FAM168A: variants seen among roughly 807,000 people sequenced by gnomAD.
FAM168A encodes protein FAM168A.
In FAM168A, 3 loss-of-function variants were observed where a neutral mutation model predicts 28.5. The ratio of observed to expected loss-of-function variants is 0.11; its 90% confidence interval spans 0.05 to 0.27. The LOEUF (loss-of-function observed/expected upper bound fraction) is 0.27. FAM168A is among the 10% of genes least tolerant of loss of function. FAM168A has a pLI of 1.00. For synonymous variants in FAM168A, 122 were observed against 124.2 expected (o/e 0.98, Z 0.12); for missense variants, 222 against 311.5 (o/e 0.71, Z 2.16).
chr11:73,564,765 A>C (rs1417941912), intron 1 of FAM168A, among the ~76,000 whole-genome samples: 1 of 151,050 alleles, frequency 6.6e-6, no homozygotes, highest in Non-Finnish European at 1.5e-5. Context: ...AAAAAAAAGA[A>C]GGCTAGAGGT....
At position 73,476,192 on chromosome 11, in the gene FAM168A, C is replaced by T. The variant is rs138359948; in HGVS notation, c.-18-7700G>A. ...CTGAATTTTGAATGCATTCCCCAAA[C>T]CACATACAGATCCACTGGTAAAGGG... On this transcript the variant is annotated intron_variant, in intron 1 of 7. Transcript: ENST00000356467. Among the ~76,000 whole-genome samples, 1,385 of 152,244 alleles carry T rather than the reference C, an allele frequency of 9.1e-3. 12 individuals are homozygous for T. The highest frequency in any genetic ancestry group is 0.014 in the Non-Finnish European group (919 of 68,008).
At chr11:73,492,752 T>C (rs1299642734) in intron 1 of FAM168A, among the ~76,000 whole-genome samples, 1 of 152,202 alleles carries the variant, frequency 6.6e-6, no homozygotes, top group East Asian at 1.9e-4. Flanking sequence ...GGTTTGCCCT[T>C]AGAAGCAGAT....
intron 1 of FAM168A, among the ~76,000 whole-genome samples, chr11:73,538,252 C>T (rs192831545): frequency 6.7e-6 from 1 of 149,070 alleles, no homozygotes; most frequent in African/African-American, 2.5e-5. Context: ...ACTCACTGAA[C>T]AAATTAGCAA....
At chr11:73,562,481 T>G (rs1031707845) in intron 1 of FAM168A, among the ~76,000 whole-genome samples, 15 of 152,200 alleles carry the variant, frequency 9.9e-5, no homozygotes, top group Non-Finnish European at 1.9e-4. Context: ...TAGTTAGACT[T>G]TTTCATTTGA....
chr11:73,514,828 GCCATCCATCCATCCATCCATCCAT>G (rs140788338), intron 1 of FAM168A, among the ~76,000 whole-genome samples: 9 of 146,546 alleles, frequency 6.1e-5, no homozygotes, highest in East Asian at 2.0e-4. Flanking sequence ...GTGAGACTCT[GCCATCCATCCATCCATCCATCCAT>G]CCATCCATCC....
intron 1 of FAM168A, among the ~76,000 whole-genome samples, chr11:73,562,319 G>A (rs369977112): frequency 1.3e-5 from 2 of 152,272 alleles, no homozygotes; most frequent in East Asian, 3.9e-4. Flanking sequence ...TAACACTTAC[G>A]CTGAAAGGTT....
rs1866387516 is a variant in FAM168A at position 73,400,589 on chromosome 11, G to A, written c.*6174C>T. Reference sequence around the variant, plus strand: ...TCACACACTTAGGGTGGGTGCTGAAGTTGCCACTTAAAGCTCCCCAGCAGC... The same window carrying A: ...TCACACACTTAGGGTGGGTGCTGAAATTGCCACTTAAAGCTCCCCAGCAGC... On this transcript the variant is annotated 3_prime_UTR_variant, in exon 8 of 8. Coordinates refer to ENST00000356467, the MANE Select transcript of FAM168A (RefSeq NM_015159.3). The A allele has an allele frequency of 6.6e-6, 1 of 152,244 alleles. No individual in the cohort carries two copies. Among genetic ancestry groups the A allele is most frequent in the Non-Finnish European group, 1.5e-5 (1 of 68,056 alleles). The allele number at this position is 152,244 out of a possible 1,614,324, so 9.4% of individuals were successfully genotyped here. A position where few individuals can be genotyped will look rare whatever the true frequency, so the allele number is the denominator to read the frequency against.
At chr11:73,593,458 T>G (rs1313667417) in intron 1 of FAM168A, among the ~76,000 whole-genome samples, 1 of 152,214 alleles carries the variant, frequency 6.6e-6, no homozygotes, top group Non-Finnish European at 1.5e-5. Flanking sequence ...ATTTAACCTC[T>G]CAGAGCATAA....
intron 1 of FAM168A, among the ~76,000 whole-genome samples, chr11:73,531,113 G>A (rs1943509387): frequency 6.6e-6 from 1 of 152,116 alleles, no homozygotes; most frequent in East Asian, 1.9e-4. Flanking sequence ...AACAGAATAG[G>A]AATTACTAAC....
chr11:73,425,525 T>G (rs1377752408), intron 3 of FAM168A, among the ~76,000 whole-genome samples: 2 of 152,254 alleles, frequency 1.3e-5, no homozygotes, highest in Non-Finnish European at 2.9e-5. Context: ...TGGGTCACTG[T>G]GGTGCTATAG....
At chr11:73,591,416 A>G (rs1317741344) in intron 1 of FAM168A, among the ~76,000 whole-genome samples, 1 of 152,232 alleles carries the variant, frequency 6.6e-6, no homozygotes, top group Non-Finnish European at 1.5e-5. Flanking sequence ...AGCACCCAGC[A>G]TACTGCCTGC....
chr11:73,534,414 T>A (rs1401654697), intron 1 of FAM168A, among the ~76,000 whole-genome samples: 2 of 151,540 alleles, frequency 1.3e-5, no homozygotes, highest in Admixed American at 6.6e-5. Flanking sequence ...TTTATTTTTT[T>A]TTTTTTGAGA....
intron 1 of FAM168A, among the ~76,000 whole-genome samples, chr11:73,557,547 T>C (rs1021171963): frequency 3.3e-5 from 5 of 152,130 alleles, no homozygotes; most frequent in South Asian, 2.1e-4. Flanking sequence ...AGTTATTAAT[T>C]TAAAAATCCT....
At chr11:73,484,276 C>G (rs756221725) in intron 1 of FAM168A, among the ~76,000 whole-genome samples, 3 of 151,996 alleles carry the variant, frequency 2.0e-5, no homozygotes, top group Non-Finnish European at 4.4e-5. Context: ...GATGTATAAG[C>G]TGAATAGCCC....
chr11:73,492,764 G>A (rs1327359690), intron 1 of FAM168A, among the ~76,000 whole-genome samples: 1 of 152,208 alleles, frequency 6.6e-6, no homozygotes, highest in Non-Finnish European at 1.5e-5. Flanking sequence ...GAAGCAGATA[G>A]TCTAATAGCA....
At chr11:73,484,695 GATATAGATATATATAGATATAT>G (rs1868027938) in intron 1 of FAM168A, among the ~76,000 whole-genome samples, 2 of 80,178 alleles carry the variant, frequency 2.5e-5, no homozygotes, top group Non-Finnish European at 6.1e-5. Flanking sequence ...TAGATATATA[GATATAGATATATATAGATATAT>G]ATATAGATAT....
chr11:73,430,540 T>C, intron 3 of FAM168A, 150 bp downstream of exon 3: 1 of 698,846 alleles, frequency 1.4e-6, no homozygotes, highest in Non-Finnish European at 2.6e-6. Context: ...TTGTCCCAGT[T>C]CCCAGAAGGG....
At chr11:73,558,921 T>C (rs1943921308) in intron 1 of FAM168A, among the ~76,000 whole-genome samples, 1 of 152,164 alleles carries the variant, frequency 6.6e-6, no homozygotes, top group African/African-American at 2.4e-5. Flanking sequence ...AGAATTACCA[T>C]ATGACCCAGC....
chr11:73,437,430 G>C (rs1867110044), intron 2 of FAM168A, among the ~76,000 whole-genome samples: 1 of 128,908 alleles, frequency 7.8e-6, no homozygotes, highest in East Asian at 2.2e-4. Flanking sequence ...TTGAGACAGA[G>C]TCTCACTCTA....
Sources: gnomAD v4.1 joint callset for allele counts (sites outside exome capture counted in the v4.1 genomes callset) on GRCh38, gnomAD v4.1.1 for gene constraint, MANE v1.5 for transcripts, NCBI Gene and HGNC (gene_info 2026-07-23, HGNC 2026-07-21) for gene names.